TMPRSS11E: variants seen among roughly 807,000 people sequenced by gnomAD.
TMPRSS11E encodes the protein transmembrane protease serine 11E.
In TMPRSS11E, 38 loss-of-function variants were observed where a neutral mutation model predicts 48.1. That is an observed-to-expected ratio of 0.79 (90% CI 0.61 to 1.04). TMPRSS11E has a LOEUF of 1.04. Ranked by LOEUF, TMPRSS11E falls within the 50% of genes least tolerant of loss-of-function variation. TMPRSS11E has a pLI of 0.00. For synonymous variants in TMPRSS11E, 158 were observed against 171.9 expected, an observed-to-expected ratio of 0.92 and a Z score of 0.63; for missense variants, 530 against 510.8, an observed-to-expected ratio of 1.04 and a Z score of -0.36.
rs775780777 is a variant in TMPRSS11E, at chr4:68,478,830, A to C, written c.968-19A>C. The C allele has an allele frequency of 6.2e-7, 1 of 1,610,854 alleles. No homozygotes were observed. Among genetic ancestry groups the C allele is most frequent in the Admixed American group, 1.7e-5 (1 of 59,012 alleles). On this transcript the variant is annotated intron_variant, in intron 8 of 9. Transcript: ENST00000305363. ...AATATATGTATGTCTACAAATACAA[A>C]GACTTTTTTTTCTTTTAGGTTACAG...
At chr4:68,490,747 T>A (rs897167256) in intron 9 of TMPRSS11E, among the ~76,000 whole-genome samples, 31 of 128,082 alleles carry the variant, frequency 2.4e-4, no homozygotes, top group African/African-American at 8.8e-4. Context: ...CCACTCAGCA[T>A]ATTCTTTTTT....
intron 9 of TMPRSS11E, among the ~76,000 whole-genome samples, chr4:68,491,857 C>T (rs895706582): frequency 5.1e-5 from 6 of 117,194 alleles, no homozygotes; most frequent in East Asian, 3.9e-4. Context: ...TCCTTTCATG[C>T]TTTCGCATGA....
intron 9 of TMPRSS11E, among the ~76,000 whole-genome samples, chr4:68,493,119 A>G (rs1729775480): frequency 6.6e-6 from 1 of 152,054 alleles, no homozygotes. Flanking sequence ...TATAATTTTT[A>G]TTATAAAAAT....
chr4:68,453,102 A>G (rs1728542712), intron 1 of TMPRSS11E, among the ~76,000 whole-genome samples: 2 of 151,940 alleles, frequency 1.3e-5, no homozygotes, highest in South Asian at 4.1e-4. Context: ...TCCCTTAGGC[A>G]TACGTGAGGC....
At chr4:68,496,314 T>C (rs890964379) in intron 9 of TMPRSS11E, among the ~76,000 whole-genome samples, 1 of 152,074 alleles carries the variant, frequency 6.6e-6, no homozygotes, top group African/African-American at 2.4e-5. Flanking sequence ...ATAAAGAGTA[T>C]AGACAAAATA....
Position 68,480,501 on chromosome 4 carries a change from T to C in TMPRSS11E, c.1110+1510T>C, listed in dbSNP as rs944914801. Among the ~76,000 whole-genome samples the C allele has an allele frequency of 3.3e-5, 5 of 152,038 alleles. 1 individual carries two copies. In the East Asian group the frequency reaches 7.7e-4, roughly 23 times the overall value. On this transcript the variant is annotated intron_variant, in intron 9 of 9. Coordinates refer to ENST00000305363, the MANE Select transcript of TMPRSS11E (RefSeq NM_014058.4). ...GTTTCTTCTTTTTATATTTACTATT[T>C]CTTTGTTGACACTTCCTATTTCTTT...
chr4:68,454,443 C>T (rs531203207), intron 1 of TMPRSS11E, among the ~76,000 whole-genome samples: 28 of 151,862 alleles, frequency 1.8e-4, no homozygotes, highest in South Asian at 1.7e-3. Flanking sequence ...TATATTAGAA[C>T]GTAATTGTCA....
intron 2 of TMPRSS11E, among the ~76,000 whole-genome samples, chr4:68,465,396 T>C (rs1473475790): frequency 1.3e-5 from 2 of 152,212 alleles, no homozygotes; most frequent in African/African-American, 4.8e-5. Context: ...GTTTTTTGCA[T>C]AACTTTTATA....
intron 9 of TMPRSS11E, among the ~76,000 whole-genome samples, chr4:68,486,438 A>G (rs1729556867): frequency 6.6e-6 from 1 of 152,112 alleles, no homozygotes; most frequent in African/African-American, 2.4e-5. Flanking sequence ...ATTTCCATGT[A>G]ATTGTATAAT....
At chr4:68,468,976 A>G (rs1728993381) in intron 4 of TMPRSS11E, 30 bp downstream of exon 4, 1 of 1,537,628 alleles carries the variant, frequency 6.5e-7, no homozygotes, top group Non-Finnish European at 9.0e-7. Context: ...TGACTTCTGA[A>G]TTTAAAGTTG....
chr4:68,490,846 C>A (rs1729698029), intron 9 of TMPRSS11E, among the ~76,000 whole-genome samples: 2 of 143,582 alleles, frequency 1.4e-5, no homozygotes, highest in South Asian at 4.4e-4. Context: ...GCAACCTCTG[C>A]CTCCTAGGTT....
chr4:68,496,879 A>C lies in TMPRSS11E; in HGVS notation c.*75A>C. On this transcript the variant is annotated 3_prime_UTR_variant, in exon 10 of 10. Transcript: ENST00000305363. ...GTGGAGGCCATTTTTAGAGATACAG[A>C]ATTGGAGAAGACTTGCAAAACAGCT... is the stretch of plus-strand genomic sequence containing the variant. 1 of 1,428,118 alleles carries C rather than the reference A, an allele frequency of 7.0e-7. No homozygotes were observed. The highest frequency in any genetic ancestry group is 2.2e-5 in the Admixed American group (1 of 45,434). The allele number at this position is 1,428,118 out of a possible 1,614,324, so 88.5% of individuals were successfully genotyped here. A position where few individuals can be genotyped will look rare whatever the true frequency, so the allele number is the denominator to read the frequency against.
rs540313757 is a variant in TMPRSS11E, at chr4:68,480,128, T to C, written c.1110+1137T>C. Among the ~76,000 whole-genome samples, 10 of 152,274 alleles carry C rather than the reference T, an allele frequency of 6.6e-5. No homozygotes were observed. In the South Asian group the frequency reaches 2.1e-3, roughly 32 times the overall value. ...ATGGATTTCTTTGGGCTTATCCTGT[T>C]TGAGGTTTGCTCAGCTTTTTGAATA... is the stretch of plus-strand genomic sequence containing the variant. On this transcript the variant is annotated intron_variant, in intron 9 of 9. Coordinates refer to ENST00000305363, the MANE Select transcript of TMPRSS11E (RefSeq NM_014058.4).
At chr4:68,464,751 T>G (rs1728882304) in intron 2 of TMPRSS11E, among the ~76,000 whole-genome samples, 1 of 152,194 alleles carries the variant, frequency 6.6e-6, no homozygotes, top group Admixed American at 6.5e-5. Flanking sequence ...GCCAAAAAAC[T>G]ACATTTAAGG....
rs35088884 is a variant in TMPRSS11E, at chr4:68,491,332, A to T, written c.1111-5311A>T. Among the ~76,000 whole-genome samples, 4 of 140,816 alleles carry T rather than the reference A, an allele frequency of 2.8e-5. No individual in the cohort carries two copies. In the Admixed American group the frequency reaches 3.0e-4, roughly 11 times the overall value. The allele number at this position is 140,816 out of a possible 152,430, so 92.4% of individuals were successfully genotyped here. A position where few individuals can be genotyped will look rare whatever the true frequency, so the allele number is the denominator to read the frequency against. The stretch of plus-strand genomic sequence containing the variant: ...AAAAAAAAAAAAAAAAAATTGAGAG[A>T]GCTCACTCTTGTATCATTCCTTTTG... On this transcript the variant is annotated intron_variant, in intron 9 of 9. Coordinates refer to ENST00000305363, the MANE Select transcript of TMPRSS11E (RefSeq NM_014058.4).
chr4:68,461,794 AATCT>A (rs762758961), intron 1 of TMPRSS11E, 23 bp from the exon 2 acceptor site: 14 of 1,613,770 alleles, frequency 8.7e-6, no homozygotes, highest in South Asian at 3.3e-5. Context: ...GCTCTGAAAT[AATCT>A]ATCTATTTAT....
chr4:68,490,229 C>A (rs959744216), intron 9 of TMPRSS11E, among the ~76,000 whole-genome samples: 2 of 152,156 alleles, frequency 1.3e-5, no homozygotes, highest in Non-Finnish European at 2.9e-5. Flanking sequence ...TGCCTTCTTT[C>A]TGAAAATTTG....
At chr4:68,450,418 A>T (rs1234297361) in intron 1 of TMPRSS11E, among the ~76,000 whole-genome samples, 1 of 151,946 alleles carries the variant, frequency 6.6e-6, no homozygotes, top group African/African-American at 2.4e-5. Flanking sequence ...TCGAATCTAG[A>T]ATCTAATTCT....
At chr4:68,461,969 CAT>C (rs759369342) in intron 2 of TMPRSS11E, 24 bp downstream of exon 2, 2 of 1,613,210 alleles carry the variant, frequency 1.2e-6, no homozygotes, top group African/African-American at 2.7e-5. Flanking sequence ...GCCTTGGCAT[CAT>C]GTGATTTACC....
Sources: allele counts gnomAD v4.1 joint callset (sites outside exome capture counted in the v4.1 genomes callset), GRCh38; gene constraint gnomAD v4.1.1; transcripts MANE v1.5; gene names NCBI Gene and HGNC (gene_info 2026-07-23, HGNC 2026-07-21).